DNAL1: variants seen among roughly 807,000 people sequenced by gnomAD.
The protein encoded by DNAL1 is dynein axonemal light chain 1, also known as chromosome 14 open reading frame 168.
DNAL1 carries 17 observed loss-of-function variants against 29.4 expected under a neutral mutation model. That is an observed-to-expected ratio of 0.58 (90% confidence interval 0.40 to 0.87). The LOEUF (loss-of-function observed/expected upper bound fraction) is 0.87. Ranked by LOEUF, DNAL1 falls within the 40% of genes least tolerant of loss-of-function variation. The pLI is 0.00. For missense variants in DNAL1, 188 were observed against 214.1 expected, an observed-to-expected ratio of 0.88 and a Z score of 0.76; for synonymous variants, 78 against 76.3, an observed-to-expected ratio of 1.02 and a Z score of -0.12.
At chr14:73,680,103 C>A (rs1891840777) in intron 5 of DNAL1, among the ~76,000 whole-genome samples, 1 of 152,120 alleles carries the variant, frequency 6.6e-6, no homozygotes, top group South Asian at 2.1e-4. Flanking sequence ...ATCCTCTCTC[C>A]TTTTTCAAAA....
chr14:73,693,212 T>C (rs1050681802), intron 7 of DNAL1, among the ~76,000 whole-genome samples: 1 of 152,204 alleles, frequency 6.6e-6, no homozygotes, highest in Admixed American at 6.5e-5. Flanking sequence ...AAGCAACTCT[T>C]ATACCCTGTA....
chr14:73,665,029 G>A (rs950048561), intron 4 of DNAL1, among the ~76,000 whole-genome samples: 5 of 152,056 alleles, frequency 3.3e-5, no homozygotes, highest in African/African-American at 1.2e-4. Context: ...TGAAGATTGA[G>A]TTAGTATATA....
chr14:73,654,934 T>G (rs555688500), intron 2 of DNAL1, 49 bp downstream of exon 2: 2 of 1,516,342 alleles, frequency 1.3e-6, no homozygotes, highest in African/African-American at 2.8e-5. Context: ...AAGGAAAAAT[T>G]TTGGATAGTT....
At position 73,695,886 on chromosome 14, in the gene DNAL1, TTC is replaced by T. The variant is rs1284426615; in HGVS notation, c.533-14_533-13del. 1 of 1,556,904 alleles carries T rather than the reference TTC, an allele frequency of 6.4e-7. No homozygotes were observed. The highest frequency in any genetic ancestry group is 1.4e-5 in the African/African-American group (1 of 72,956). On this transcript the variant is annotated splice_polypyrimidine_tract_variant and intron_variant, in intron 7 of 7. Transcript: ENST00000553645. ...TTTTTGAGAATAACCAGTAATAATT[TTC>T]TTTTTCATTTTAGGTACTCCAGTAA...
At chr14:73,689,642 T>C (rs1365479147) in intron 7 of DNAL1, 127 bp downstream of exon 7, 2 of 1,408,452 alleles carry the variant, frequency 1.4e-6, no homozygotes, top group South Asian at 1.2e-5. Context: ...TTTCTATCTA[T>C]GTAAAATTGA....
At chr14:73,648,270 G>A (rs930394036) in intron 1 of DNAL1, among the ~76,000 whole-genome samples, 3 of 151,530 alleles carry the variant, frequency 2.0e-5, no homozygotes, top group Non-Finnish European at 2.9e-5. Flanking sequence ...GAGCCACCGC[G>A]CCTGGCCAAG....
chr14:73,657,692 C>G (rs1192990422), intron 2 of DNAL1, among the ~76,000 whole-genome samples: 1 of 152,208 alleles, frequency 6.6e-6, no homozygotes, highest in African/African-American at 2.4e-5. Flanking sequence ...CTCCCGGGTT[C>G]AAGCAATTCT....
chr14:73,678,118 G>T (rs1208080388), intron 5 of DNAL1, among the ~76,000 whole-genome samples: 1 of 151,108 alleles, frequency 6.6e-6, no homozygotes, highest in Non-Finnish European at 1.5e-5. Context: ...GGCTGGTCTT[G>T]AACTCCTGAG....
intron 2 of DNAL1, among the ~76,000 whole-genome samples, chr14:73,655,188 C>T (rs1891188842): frequency 6.6e-6 from 1 of 151,702 alleles, no homozygotes; most frequent in Non-Finnish European, 1.5e-5. Flanking sequence ...AAAATGTTAC[C>T]CTTGGGGGAA....
At chr14:73,655,022 G>A in intron 2 of DNAL1, 137 bp downstream of exon 2, 1 of 844,950 alleles carries the variant, frequency 1.2e-6, no homozygotes. Context: ...GGTGGTGGAT[G>A]CATGAACTTA....
At chr14:73,663,351 GC>G (rs1223820318) in intron 4 of DNAL1, among the ~76,000 whole-genome samples, 10 of 151,630 alleles carry the variant, frequency 6.6e-5, no homozygotes, top group African/African-American at 2.4e-4. Flanking sequence ...GATTACAGGT[GC>G]CCACCGCCAC....
At chr14:73,670,257 GCA>G (rs1389471300) in intron 4 of DNAL1, among the ~76,000 whole-genome samples, 1 of 152,144 alleles carries the variant, frequency 6.6e-6, no homozygotes, top group Admixed American at 6.6e-5. Context: ...AGAACTGTCA[GCA>G]CTGTCCCAAT....
In DNAL1 at chr14:73,698,116, T is replaced by C. The variant is rs1043844742; in HGVS notation, c.*2174T>C. On this transcript the variant is annotated 3_prime_UTR_variant, in exon 8 of 8. Coordinates refer to ENST00000553645, the MANE Select transcript of DNAL1 (RefSeq NM_031427.4). ...TGGCTTAGAGTTTTGGTGTTTGTTTTTTCTGAATTCTGTAATATAGAAACT... is the reference window on the plus strand; with the variant it reads ...TGGCTTAGAGTTTTGGTGTTTGTTTCTTCTGAATTCTGTAATATAGAAACT... 1.3e-5 allele frequency: 2 copies of C among 152,232 alleles called. No individual in the cohort carries two copies. The highest frequency in any genetic ancestry group is 2.9e-5 in the Non-Finnish European group (2 of 68,044). The allele number at this position is 152,232 out of a possible 1,614,324, so 9.4% of individuals were successfully genotyped here.
rs963901259 is a variant in DNAL1, at chr14:73,703,648, T to A, written c.*7706T>A. The A allele has an allele frequency of 2.0e-5, 3 of 151,196 alleles. No individual in the cohort carries two copies. The highest frequency in any genetic ancestry group is 7.4e-5 in the African/African-American group (3 of 40,342). The allele number at this position is 151,196 out of a possible 1,614,324, so 9.4% of individuals were successfully genotyped here. On this transcript the variant is annotated 3_prime_UTR_variant, in exon 8 of 8. Transcript: ENST00000553645. ...TCCCAAAACCTATAAGAACTGATGATAATCCACCACCCTTTGCTGACTCTC... is the reference window on the plus strand; with the variant it reads ...TCCCAAAACCTATAAGAACTGATGAAAATCCACCACCCTTTGCTGACTCTC...
intron 5 of DNAL1, among the ~76,000 whole-genome samples, chr14:73,674,200 T>C (rs1891677101): frequency 6.6e-6 from 1 of 152,204 alleles, no homozygotes; most frequent in African/African-American, 2.4e-5. Context: ...TGATAATCTC[T>C]AGTGACTGGC....
In DNAL1 at chr14:73,696,048, TTAAGA is replaced by T; in HGVS notation, c.*110_*114del. ...AGATTCTGTATGGGACAAAAGTTTC[TTAAGA>T]TAAAACAGATCACTCATTCTCATCT... is the stretch of plus-strand genomic sequence containing the variant. On this transcript the variant is annotated 3_prime_UTR_variant, in exon 8 of 8. Transcript: ENST00000553645. 1 of 1,106,402 alleles carries T rather than the reference TTAAGA, an allele frequency of 9.0e-7. No homozygotes were observed. Among genetic ancestry groups the T allele is most frequent in the Non-Finnish European group, 1.3e-6 (1 of 779,756 alleles). The allele number at this position is 1,106,402 out of a possible 1,614,324, so 68.5% of individuals were successfully genotyped here. A position where few individuals can be genotyped will look rare whatever the true frequency, so the allele number is the denominator to read the frequency against.
intron 5 of DNAL1, among the ~76,000 whole-genome samples, chr14:73,674,290 ACT>A (rs1325776461): frequency 1.3e-5 from 2 of 151,130 alleles, no homozygotes; most frequent in Non-Finnish European, 2.9e-5. Context: ...TGTCTTAAAA[ACT>A]CTATTGCCAT....
chr14:73,673,463 A>G (rs780903720), intron 5 of DNAL1, among the ~76,000 whole-genome samples: 34 of 152,224 alleles, frequency 2.2e-4, no homozygotes, highest in Non-Finnish European at 4.4e-4. Context: ...TTAAGATGCT[A>G]TCTGGCTGAA....
rs1181193949 is a variant in DNAL1 at position 73,702,697 on chromosome 14, A to T, written c.*6755A>T. 1.3e-5 allele frequency: 2 copies of T among 152,204 alleles called. No homozygotes were observed. Among genetic ancestry groups the T allele is most frequent in the Non-Finnish European group, 2.9e-5 (2 of 68,046 alleles). 9.4% of individuals were successfully genotyped at this position (152,204 alleles called of 1,614,324 possible). ...CACCAAGCAATATCCGTAACATTAC[A>T]CATTTTGCCAGCACATTTTCTATGC... On this transcript the variant is annotated 3_prime_UTR_variant, in exon 8 of 8. Coordinates refer to ENST00000553645, the MANE Select transcript of DNAL1 (RefSeq NM_031427.4).
Sources: allele counts gnomAD v4.1 joint callset (sites outside exome capture counted in the v4.1 genomes callset), GRCh38; gene constraint gnomAD v4.1.1; transcripts MANE v1.5; gene names NCBI Gene and HGNC (gene_info 2026-07-23, HGNC 2026-07-21).